ZNF783: variants seen among roughly 807,000 people sequenced by gnomAD.
The protein encoded by ZNF783 is zinc finger protein 783.
Under a neutral mutation model 31.3 loss-of-function variants are expected in ZNF783, and 25 were observed. The ratio of observed to expected loss-of-function variants is 0.80; its 90% CI spans 0.58 to 1.11. The LOEUF is 1.11. Among genes scored for constraint, ZNF783 ranks in the 50% most tolerant of loss-of-function variants. ZNF783 has a pLI of 0.00. For missense variants in ZNF783, 797 were observed against 760.0 expected, an observed-to-expected ratio of 1.05 and a Z score of -0.57; for synonymous variants, 369 against 319.1, an observed-to-expected ratio of 1.16 and a Z score of -1.66.
Position 149,282,534 on chromosome 7 carries a change from C to G in ZNF783, c.*191C>G. ...CTGTTTGCACTCTTCGCTGCCTTTT[C>G]TGCATTCCTGACTTCTAAAAGATGC... On this transcript the variant is annotated 3_prime_UTR_variant, in exon 6 of 6. Transcript: ENST00000434415. The G allele has an allele frequency of 5.3e-6, 3 of 566,076 alleles. No individual in the cohort carries two copies. In the East Asian group the frequency reaches 9.4e-5, roughly 18 times the overall value. The allele number at this position is 566,076 out of a possible 1,614,324, so 35.1% of individuals were successfully genotyped here. A position where few individuals can be genotyped will look rare whatever the true frequency, so the allele number is the denominator to read the frequency against.
At chr7:149,262,631 G>C (rs1796953974) in intron 1 of ZNF783, among the ~76,000 whole-genome samples, 1 of 152,186 alleles carries the variant, frequency 6.6e-6, no homozygotes, top group Non-Finnish European at 1.5e-5. Context: ...CACGCTCGGC[G>C]ACGAGGAGGC....
At chr7:149,278,664 A>C in intron 5 of ZNF783, 137 bp downstream of exon 5, 3 of 1,423,968 alleles carry the variant, frequency 2.1e-6, no homozygotes, top group Non-Finnish European at 2.8e-6. Context: ...GCTGGGCCGG[A>C]CAGGCTTTCT....
At position 149,282,272 on chromosome 7, in the gene ZNF783, C is replaced by T; in HGVS notation, c.1570C>T (p.His524Tyr). 1 of 1,586,286 alleles carries T rather than the reference C, an allele frequency of 6.3e-7. No homozygotes were observed. The highest frequency in any genetic ancestry group is 1.3e-5 in the African/African-American group (1 of 74,704). The change falls in exon 6 of 6, where the codon CAC becomes TAC. Residue 524 changes from histidine (H) to tyrosine (Y), a missense_variant. Physicochemically the swap from His to Tyr is moderately conservative, Grantham distance 83. Transcript: ENST00000434415. ...QTHARGQVGP[H>Y]FPAAPARHGS... ...CCACGCCCGAGGCCAGGTGGGCCCA[C>T]ACTTCCCTGCCGCCCCCGCCCGCCA...
At chr7:149,279,646 T>A (rs1797415429) in intron 5 of ZNF783, among the ~76,000 whole-genome samples, 1 of 148,122 alleles carries the variant, frequency 6.8e-6, no homozygotes, top group Non-Finnish European at 1.5e-5. Flanking sequence ...TTTTTTTTTT[T>A]TTTTTTTTAA....
In ZNF783 at chr7:149,284,723, G is replaced by A. The variant is rs1797561204; in HGVS notation, c.*2380G>A. 1 of 152,130 alleles carries A rather than the reference G, an allele frequency of 6.6e-6. No individual in the cohort carries two copies. 9.4% of individuals were successfully genotyped at this position (152,130 alleles called of 1,614,324 possible). ...ACCAATGTGCTCAAACTTTGAGCTA[G>A]GTCTTGTGAGTTTGCCTAGCACTCA... On this transcript the variant is annotated 3_prime_UTR_variant, in exon 6 of 6. Transcript: ENST00000434415.
chr7:149,284,790 C>T lies in ZNF783; in HGVS notation c.*2447C>T, dbSNP rs958518255. ...GTTCTTTACATTGAAACAAGTCAAC[C>T]GAAGCTTTGTGGTGCAGGAGCTGAG... On this transcript the variant is annotated 3_prime_UTR_variant, in exon 6 of 6. Transcript: ENST00000434415. The T allele has an allele frequency of 1.3e-5, 2 of 152,154 alleles. No homozygotes were observed. Among genetic ancestry groups the T allele is most frequent in the African/African-American group, 4.8e-5 (2 of 41,416 alleles). The allele number at this position is 152,154 out of a possible 1,614,324, so 9.4% of individuals were successfully genotyped here.
intron 5 of ZNF783, among the ~76,000 whole-genome samples, 157 bp from the exon 6 acceptor site, chr7:149,281,348 G>C (rs1797459524): frequency 1.3e-5 from 2 of 152,256 alleles, no homozygotes; most frequent in African/African-American, 4.8e-5. Context: ...GGCAGTGCCT[G>C]TGTGGCAGGG....
At position 149,283,715 on chromosome 7, in the gene ZNF783, C is replaced by T. The variant is rs1015073566; in HGVS notation, c.*1372C>T. ...AGGAGATCTGGGTGAATCCTTTAGT[C>T]ACAGCTAGTCTCATGTTCCTCTTCT... On this transcript the variant is annotated 3_prime_UTR_variant, in exon 6 of 6. Coordinates refer to ENST00000434415, the MANE Select transcript of ZNF783 (RefSeq NM_001195220.2). The T allele has an allele frequency of 2.6e-5, 4 of 152,356 alleles. No homozygotes were observed. The East Asian group carries it at 5.8e-4, about 22-fold the overall frequency. 9.4% of individuals were successfully genotyped at this position (152,356 alleles called of 1,614,324 possible).
intron 1 of ZNF783, among the ~76,000 whole-genome samples, chr7:149,264,076 A>G (rs928825763): frequency 1.3e-5 from 2 of 152,194 alleles, no homozygotes; most frequent in African/African-American, 4.8e-5. Context: ...AAACTCCCCA[A>G]AAGGGACAGA....
chr7:149,268,190 C>G (rs1797130594), intron 4 of ZNF783, among the ~76,000 whole-genome samples: 2 of 152,218 alleles, frequency 1.3e-5, no homozygotes, highest in Admixed American at 1.3e-4. Flanking sequence ...TTACCCTTTT[C>G]CTGAACAATG....
In ZNF783 at chr7:149,267,119, C is replaced by T. The variant is rs1226470651; in HGVS notation, c.570C>T (p.Asp190=). Reference sequence around the variant, plus strand: ...CAGATTATGCAATCTCCAAACCAGACATCCTCACCCGGATAGAGAGGGGAG... The same window carrying T: ...CAGATTATGCAATCTCCAAACCAGATATCCTCACCCGGATAGAGAGGGGAG... The part of the protein sequence containing the change: ...VSLDYAISKP[D]ILTRIERGEE... Residue 190 remains aspartate, a synonymous_variant, in exon 4 of 6, where the codon GAC becomes GAT. Transcript: ENST00000434415. 6.3e-7 allele frequency: 1 copy of T among 1,599,904 alleles called. No homozygotes were observed. Among genetic ancestry groups the T allele is most frequent in the Non-Finnish European group, 8.5e-7 (1 of 1,179,800 alleles).
rs1797068550 is a variant in ZNF783 at position 149,266,465 on chromosome 7, C to A, written c.155C>A (p.Ala52Asp). ...TGGACGGTGGTGGCCGCCATTCAGG[C>A]CTTGGAGAAGAAGGTGGATTCCTGC... ...TLWTVVAAIQALEKKVDSCLT... is the reference protein window; with the variant it reads ...TLWTVVAAIQDLEKKVDSCLT... Residue 52 changes from alanine to aspartate, a missense_variant, in exon 2 of 6, where the codon GCC becomes GAC. Coordinates refer to ENST00000434415, the MANE Select transcript of ZNF783 (RefSeq NM_001195220.2). 2 of 1,610,224 alleles carry A rather than the reference C, an allele frequency of 1.2e-6. No homozygotes were observed. Among genetic ancestry groups the A allele is most frequent in the Non-Finnish European group, 1.7e-6 (2 of 1,179,970 alleles).
chr7:149,280,504 G>A (rs958651595), intron 5 of ZNF783, among the ~76,000 whole-genome samples: 1 of 152,138 alleles, frequency 6.6e-6, no homozygotes, highest in African/African-American at 2.4e-5. Flanking sequence ...CTATCTCCCT[G>A]GGGACTGTGG....
At chr7:149,264,422 G>A (rs1274785521) in intron 1 of ZNF783, among the ~76,000 whole-genome samples, 1 of 152,186 alleles carries the variant, frequency 6.6e-6, no homozygotes, top group South Asian at 2.1e-4. Context: ...TCCACAGGAG[G>A]CTGGCATGGC....
intron 5 of ZNF783, among the ~76,000 whole-genome samples, chr7:149,280,073 A>AGCACCAGCATTTTATCTTTGATTAAGC (rs1797426812): frequency 6.7e-6 from 1 of 149,858 alleles, no homozygotes; most frequent in African/African-American, 2.4e-5. Context: ...CACCTCCCGG[A>AGCACCAGCATTTTATCTTTGATTAAGC]CGGGGCGGCT....
rs781287344 is a variant in ZNF783, at chr7:149,266,752, G to A, written c.420+22G>A. 5.0e-6 allele frequency: 8 copies of A among 1,613,588 alleles called. No individual in the cohort carries two copies. In the South Asian group the frequency reaches 8.8e-5, roughly 18 times the overall value. ...CAAGGTAGCACCGGGACACCCTGGG[G>A]TGGGGGAGCTCGAGGGGCTGAGCCT... On this transcript the variant is annotated intron_variant, in intron 2 of 5. Transcript: ENST00000434415.
Position 149,262,306 on chromosome 7 carries a change from T to G in ZNF783, c.-28T>G. On this transcript the variant is annotated 5_prime_UTR_variant, in exon 1 of 6. Transcript: ENST00000434415. Reference sequence around the variant, plus strand: ...GGCCCGACAGGCCGGGTCCAGGGACTGCAACCCAGCGAGGGACGCGGGCAG... The same window carrying G: ...GGCCCGACAGGCCGGGTCCAGGGACGGCAACCCAGCGAGGGACGCGGGCAG... 7.4e-7 allele frequency: 1 copy of G among 1,360,076 alleles called. No individual in the cohort carries two copies. Among genetic ancestry groups the G allele is most frequent in the Non-Finnish European group, 9.5e-7 (1 of 1,052,144 alleles). 84.3% of individuals were successfully genotyped at this position (1,360,076 alleles called of 1,614,324 possible).
chr7:149,262,561 C>A (rs370268013), intron 1 of ZNF783, among the ~76,000 whole-genome samples: 1 of 152,212 alleles, frequency 6.6e-6, no homozygotes, highest in South Asian at 2.1e-4. Context: ...GGCGGGGCCC[C>A]GACGTCAGCG....
At position 149,281,869 on chromosome 7, in the gene ZNF783, C is replaced by A; in HGVS notation, c.1167C>A (p.Asp389Glu). 1.3e-6 allele frequency: 2 copies of A among 1,502,774 alleles called. No homozygotes were observed. The highest frequency in any genetic ancestry group is 2.7e-5 in the South Asian group (2 of 75,078). The allele number at this position is 1,502,774 out of a possible 1,614,324, so 93.1% of individuals were successfully genotyped here. A position where few individuals can be genotyped will look rare whatever the true frequency, so the allele number is the denominator to read the frequency against. ...APGRSPTSCG[D>E]SQAMLEPGEV... ...GCCGCTCGCCCACCAGCTGCGGGGACAGCCAGGCCATGCTGGAGCCGGGGG... is the reference window on the plus strand; with the variant it reads ...GCCGCTCGCCCACCAGCTGCGGGGAAAGCCAGGCCATGCTGGAGCCGGGGG... Residue 389 changes from aspartate to glutamate, a missense_variant, in exon 6 of 6, where the codon GAC becomes GAA. Coordinates refer to ENST00000434415, the MANE Select transcript of ZNF783 (RefSeq NM_001195220.2).
Sources: allele counts gnomAD v4.1 joint callset (sites outside exome capture counted in the v4.1 genomes callset), GRCh38; gene constraint gnomAD v4.1.1; transcripts MANE v1.5; gene names NCBI Gene and HGNC (gene_info 2026-07-23, HGNC 2026-07-21).